CIITA: variants seen among roughly 807,000 people sequenced by gnomAD.
CIITA encodes class II major histocompatibility complex transactivator.
Under a neutral mutation model 115.1 loss-of-function variants are expected in CIITA, and 72 were observed. That is an observed-to-expected ratio of 0.63 (90% CI 0.52 to 0.76). The LOEUF (loss-of-function observed/expected upper bound fraction) is 0.76, where lower values mean the gene tolerates loss of function less well. CIITA is among the 30% of genes least tolerant of loss of function. The probability of loss-of-function intolerance (pLI) is 0.00; values close to 1 mark genes in which losing one functional copy is unlikely to be tolerated. For missense variants in CIITA, 1,617 were observed against 1,463.8 expected, an observed-to-expected ratio of 1.10 and a Z score of -1.71; for synonymous variants, 763 against 635.6, an observed-to-expected ratio of 1.20 and a Z score of -3.02.
In CIITA at chr16:10,898,665, G is replaced by A. The variant is rs1209481867; in HGVS notation, c.296-5G>A. 3 of 1,608,130 alleles carry A rather than the reference G, an allele frequency of 1.9e-6. No individual in the cohort carries two copies. Among genetic ancestry groups the A allele is most frequent in the Non-Finnish European group, 2.5e-6 (3 of 1,177,566 alleles). On this transcript the variant is annotated splice_polypyrimidine_tract_variant and splice_region_variant and intron_variant, in intron 3 of 19. Coordinates refer to ENST00000324288, the MANE Select transcript of CIITA (RefSeq NM_000246.4). ...GATTGACTGCGCTTTTCCTTGTCTGGGCAGCGGAACTGGACCAGTATGTCT... is the reference window on the plus strand; with the variant it reads ...GATTGACTGCGCTTTTCCTTGTCTGAGCAGCGGAACTGGACCAGTATGTCT...
chr16:10,878,995 G>C (rs1436828543), intron 1 of CIITA: 1 of 220,938 alleles, frequency 4.5e-6, no homozygotes, highest in Non-Finnish European at 9.1e-6. Flanking sequence ...CAGAGCTGGC[G>C]GGAGGGAGAG....
At position 10,922,471 on chromosome 16, in the gene CIITA, C is replaced by G; in HGVS notation, c.3298C>G (p.Pro1100Ala). The G allele has an allele frequency of 6.2e-7, 1 of 1,614,088 alleles. No individual in the cohort carries two copies. Among genetic ancestry groups the G allele is most frequent in the Non-Finnish European group, 8.5e-7 (1 of 1,179,946 alleles). ...QQLAASLRRC[P>A]HVETLAMWTP... ...GCTCGCTGCCAGCCTTCGGAGGTGT[C>G]CTCATGTGGAGACGCTGGCGTAAGT... Residue 1100 changes from proline to alanine, a missense_variant, in exon 18 of 20, where the codon CCT (proline) becomes GCT (alanine). Coordinates refer to ENST00000324288, the MANE Select transcript of CIITA (RefSeq NM_000246.4).
At chr16:10,917,782 A>T (rs544204291) in intron 15 of CIITA, among the ~76,000 whole-genome samples, 1 of 152,296 alleles carries the variant, frequency 6.6e-6, no homozygotes, top group South Asian at 2.1e-4. Flanking sequence ...GCCCAGTTCA[A>T]CATGATTTTT....
chr16:10,920,432 A>G lies in CIITA; in HGVS notation c.3150-1735A>G, dbSNP rs1206653661. 6.6e-6 allele frequency among the ~76,000 whole-genome samples: 1 copy of G among 152,164 alleles called. No homozygotes were observed. The highest frequency in any genetic ancestry group is 1.5e-5 in the Non-Finnish European group (1 of 68,036). On this transcript the variant is annotated intron_variant, in intron 16 of 19. Transcript: ENST00000324288. This position sits in a 1 kb window ranked among gnomAD's most constrained non-coding sequence, Gnocchi z 4.5. ...CAGGCTATTTTTGTGTTTTCAGTAG[A>G]GACAGGGCTTCGCCATGTGGCCCAG...
intron 1 of CIITA, among the ~76,000 whole-genome samples, chr16:10,881,253 G>C (rs2036400928): frequency 6.6e-6 from 1 of 151,818 alleles, no homozygotes; most frequent in South Asian, 2.1e-4. Flanking sequence ...AGCTGAGATT[G>C]CACCACTGCA....
rs543333483 is a variant in CIITA, at chr16:10,907,903, G to A, written c.2411G>A (p.Arg804Gln). ...KRLQPGTLRARQLLELLHCAH... is the reference protein window; with the variant it reads ...KRLQPGTLRAQQLLELLHCAH... ...CTGCAGCCGGGGACACTGCGGGCGC[G>A]GCAGCTGCTGGAGCTGCTGCACTGC... The change falls in exon 11 of 20, where the codon CGG becomes CAG. Residue 804 changes from arginine (R) to glutamine (Q), a missense_variant. Arg to Gln is a conservative substitution (Grantham distance 43). Coordinates refer to ENST00000324288, the MANE Select transcript of CIITA (RefSeq NM_000246.4). The surrounding 1 kb of genome is among the most constrained non-coding windows in gnomAD (Gnocchi z 5.0). The A allele has an allele frequency of 4.4e-6, 7 of 1,583,618 alleles. No homozygotes were observed. Among genetic ancestry groups the A allele is most frequent in the Middle Eastern group, 1.7e-4 (1 of 5,890 alleles).
At position 10,913,871 on chromosome 16, in the gene CIITA, G is replaced by A. The variant is rs188127007; in HGVS notation, c.2889-1699G>A. ...CAGGAGAATCATTTGAAACCGGGAG[G>A]CGGAGGTTGCGGTGAGCTGAGATCA... On this transcript the variant is annotated intron_variant, in intron 13 of 19. Coordinates refer to ENST00000324288, the MANE Select transcript of CIITA (RefSeq NM_000246.4). Among the ~76,000 whole-genome samples, 588 of 151,952 alleles carry A rather than the reference G, an allele frequency of 3.9e-3. 5 individuals carry two copies. The highest frequency in any genetic ancestry group is 0.013 in the African/African-American group (543 of 41,488).
rs557311631 is a variant in CIITA, at chr16:10,923,714, G to A, written c.*23-164G>A. On this transcript the variant is annotated intron_variant, in intron 19 of 19. Transcript: ENST00000324288. This position sits in a 1 kb window ranked among gnomAD's most constrained non-coding sequence, Gnocchi z 5.2. Reference sequence around the variant, plus strand: ...CAAGTCTCCTGCTCCTCACTATGAAGATCACTGTCCCCCAGCCCTGTGCTC... The same window carrying A: ...CAAGTCTCCTGCTCCTCACTATGAAAATCACTGTCCCCCAGCCCTGTGCTC... 6.6e-6 allele frequency among the ~76,000 whole-genome samples: 1 copy of A among 152,096 alleles called. No individual in the cohort carries two copies. Among genetic ancestry groups the A allele is most frequent in the East Asian group, 1.9e-4 (1 of 5,188 alleles).
At chr16:10,891,322 G>A (rs1184669755) in intron 1 of CIITA, among the ~76,000 whole-genome samples, 2 of 152,218 alleles carry the variant, frequency 1.3e-5, no homozygotes, top group South Asian at 2.1e-4. Context: ...AGGCTATGAG[G>A]TCTTGTGCAA....
rs1414866599 is a variant in CIITA, at chr16:10,901,797, G to C, written c.481+239G>C. On this transcript the variant is annotated intron_variant, in intron 6 of 19. Coordinates refer to ENST00000324288, the MANE Select transcript of CIITA (RefSeq NM_000246.4). The surrounding 1 kb of genome is among the most constrained non-coding windows in gnomAD (Gnocchi z 6.8). ...TGTTCATAGGTTCTATTCTGCCCCAGCTCTCCGTGTGGAGGCCCTAGGGTC... is the reference window on the plus strand; with the variant it reads ...TGTTCATAGGTTCTATTCTGCCCCACCTCTCCGTGTGGAGGCCCTAGGGTC... 1 of 679,104 alleles carries C rather than the reference G, an allele frequency of 1.5e-6. No homozygotes were observed. The highest frequency in any genetic ancestry group is 2.7e-5 in the East Asian group (1 of 37,408). The allele number at this position is 679,104 out of a possible 1,614,324, so 42.1% of individuals were successfully genotyped here.
At chr16:10,887,834 G>A (rs1004152043) in intron 1 of CIITA, among the ~76,000 whole-genome samples, 1 of 152,146 alleles carries the variant, frequency 6.6e-6, no homozygotes, top group Non-Finnish European at 1.5e-5. Flanking sequence ...GAGCAGTGCT[G>A]GAGGCTTTTA....
Position 10,906,493 on chromosome 16 carries a change from T to C in CIITA, c.1007-6T>C. On this transcript the variant is annotated splice_polypyrimidine_tract_variant and splice_region_variant and intron_variant, in intron 10 of 19. Coordinates refer to ENST00000324288, the MANE Select transcript of CIITA (RefSeq NM_000246.4). Reference sequence around the variant, plus strand: ...CCCCACCCTGACACGCCCCTGGCCTTTGCAGAGCCGGTGGAGCAGTTCTAC... The same window carrying C: ...CCCCACCCTGACACGCCCCTGGCCTCTGCAGAGCCGGTGGAGCAGTTCTAC... The C allele has an allele frequency of 1.2e-6, 2 of 1,611,622 alleles. No homozygotes were observed. The highest frequency in any genetic ancestry group is 1.7e-6 in the Non-Finnish European group (2 of 1,179,848).
At chr16:10,895,261 G>C in intron 1 of CIITA, 21 bp from the exon 2 acceptor site, 1 of 1,613,300 alleles carries the variant, frequency 6.2e-7, no homozygotes, top group South Asian at 1.1e-5. Flanking sequence ...TGAGGTGACT[G>C]AGCATTGTCT....
intron 1 of CIITA, chr16:10,866,453 G>C (rs752372039): frequency 1.8e-6 from 1 of 566,444 alleles, no homozygotes; most frequent in Non-Finnish European, 3.5e-6. Flanking sequence ...GCTCTGGCCA[G>C]GAAGATCTCT....
At chr16:10,874,214 C>T (rs1012159656), upstream of CIITA, among the ~76,000 whole-genome samples, 17 of 152,130 alleles carry the variant, frequency 1.1e-4, no homozygotes. Flanking sequence ...GAATTCCTGA[C>T]CTCAGGTGAT....
chr16:10,868,566 T>C (rs1386933075), intron 1 of CIITA, among the ~76,000 whole-genome samples: 1 of 152,138 alleles, frequency 6.6e-6, no homozygotes, highest in African/African-American at 2.4e-5. Flanking sequence ...CACCCAAACA[T>C]TCTCCCTTGG....
chr16:10,936,941 A>G (rs1385584195), downstream of CIITA: 2 of 152,252 alleles, frequency 1.3e-5, no homozygotes, highest in East Asian at 3.8e-4. Context: ...AGAAATATGA[A>G]TATCCAAATT....
chr16:10,909,230 T>C, intron 12 of CIITA, 43 bp downstream of exon 12: 3 of 1,604,560 alleles, frequency 1.9e-6, no homozygotes, highest in Non-Finnish European at 2.6e-6. Context: ...GCCATGCAGG[T>C]TGAGGACATG....
intron 7 of CIITA, 134 bp from the exon 8 acceptor site, chr16:10,902,524 G>T: frequency 9.0e-7 from 1 of 1,112,778 alleles, no homozygotes; most frequent in Non-Finnish European, 1.3e-6. Flanking sequence ...CATCAGGGCA[G>T]GACAGAAACA....
Sources: allele counts gnomAD v4.1 joint callset (sites outside exome capture counted in the v4.1 genomes callset), GRCh38; gene constraint gnomAD v4.1.1; non-coding constraint Gnocchi (gnomAD v3.1); transcripts MANE v1.5; gene names NCBI Gene and HGNC (gene_info 2026-07-23, HGNC 2026-07-21).